Variants in MAP4K4 observed in about 807,000 individuals in gnomAD.
MAP4K4 encodes the protein HPK/GCK-like kinase HGK.
A neutral mutation model predicts 189.6 loss-of-function variants in MAP4K4; 38 were observed. The ratio of observed to expected loss-of-function variants is 0.20; its 90% CI spans 0.15 to 0.26. The LOEUF is 0.26. Ranked by LOEUF, MAP4K4 falls within the 10% of genes least tolerant of loss-of-function variation. MAP4K4 has a pLI of 1.00. For synonymous variants in MAP4K4, 610 were observed against 624.3 expected (o/e 0.98, Z 0.34); for missense variants, 1,054 against 1,726.9 (o/e 0.61, Z 6.91).
chr2:101,704,458 T>A (rs2149200301), intron 2 of MAP4K4, among the ~76,000 whole-genome samples: 1 of 151,308 alleles, frequency 6.6e-6, no homozygotes, highest in Admixed American at 6.6e-5. Context: ...GTGATAAATG[T>A]ACATTTATTT....
intron 12 of MAP4K4, among the ~76,000 whole-genome samples, chr2:101,848,100 A>T (rs1364700691): frequency 2.6e-5 from 4 of 152,216 alleles, no homozygotes. Flanking sequence ...GTGTGTGCAC[A>T]CTATATGATG....
chr2:101,763,676 T>C (rs1466897497), intron 2 of MAP4K4, among the ~76,000 whole-genome samples: 1 of 152,220 alleles, frequency 6.6e-6, no homozygotes, highest in Non-Finnish European at 1.5e-5. Flanking sequence ...CTGGCATTCA[T>C]GGACTCTAGA....
chr2:101,745,175 CT>C (rs2064688680), intron 2 of MAP4K4, among the ~76,000 whole-genome samples: 1 of 151,896 alleles, frequency 6.6e-6, no homozygotes, highest in South Asian at 2.1e-4. Flanking sequence ...TGGTGTGTTT[CT>C]TTGGTTTATT....
intron 2 of MAP4K4, among the ~76,000 whole-genome samples, chr2:101,765,661 T>C (rs376502031): frequency 7.2e-5 from 11 of 152,222 alleles, no homozygotes; most frequent in East Asian, 3.8e-4. Context: ...TATTTTATTT[T>C]TGAAATGATT....
intron 6 of MAP4K4, among the ~76,000 whole-genome samples, chr2:101,831,397 T>G (rs777247269): frequency 1.3e-5 from 2 of 152,180 alleles, no homozygotes; most frequent in Non-Finnish European, 2.9e-5. Flanking sequence ...CTTGATCTTG[T>G]TTGTGGCAGT....
In MAP4K4 at chr2:101,842,597, T is replaced by G. The variant is rs1385063730; in HGVS notation, c.950-12T>G. On this transcript the variant is annotated splice_polypyrimidine_tract_variant and intron_variant, in intron 10 of 32. Coordinates refer to ENST00000324219, the Ensembl canonical transcript of MAP4K4. ...GTGAACTGTCCCATTTATCTTGTCC[T>G]TTTCTTCATAGATGAAACTGAGTAT... The G allele has an allele frequency of 6.3e-7, 1 of 1,586,670 alleles. No individual in the cohort carries two copies. Among genetic ancestry groups the G allele is most frequent in the Non-Finnish European group, 8.6e-7 (1 of 1,164,504 alleles).
At chr2:101,724,455 T>C (rs964866788) in intron 2 of MAP4K4, among the ~76,000 whole-genome samples, 3 of 152,112 alleles carry the variant, frequency 2.0e-5, no homozygotes, top group Non-Finnish European at 2.9e-5. Flanking sequence ...AAATGTTGAG[T>C]GCTTTCAAAA....
At chr2:101,807,764 A>C (rs1419783754) in intron 3 of MAP4K4, among the ~76,000 whole-genome samples, 1 of 152,120 alleles carries the variant, frequency 6.6e-6, no homozygotes, top group East Asian at 1.9e-4. Flanking sequence ...TAGAGAAAGA[A>C]AGAGTGGGGG....
At chr2:101,760,954 G>T (rs2076114047) in intron 2 of MAP4K4, among the ~76,000 whole-genome samples, 1 of 152,164 alleles carries the variant, frequency 6.6e-6, no homozygotes, top group Non-Finnish European at 1.5e-5. Context: ...CGTGAACTGA[G>T]ATCGCGCCAT....
chr2:101,883,890 C>T (rs1196133696), intron 28 of MAP4K4, among the ~76,000 whole-genome samples: 1 of 152,078 alleles, frequency 6.6e-6, no homozygotes, highest in Admixed American at 6.5e-5. Flanking sequence ...GTAGAACTAT[C>T]TGCTTAGGAT....
intron 2 of MAP4K4, among the ~76,000 whole-genome samples, chr2:101,737,814 C>T (rs762258217): frequency 6.6e-6 from 1 of 152,090 alleles, no homozygotes; most frequent in African/African-American, 2.4e-5. Flanking sequence ...TCTCTCTACT[C>T]TCTCCCCCCT....
At chr2:101,732,402 T>C (rs2058831640) in intron 2 of MAP4K4, among the ~76,000 whole-genome samples, 1 of 152,126 alleles carries the variant, frequency 6.6e-6, no homozygotes, top group Non-Finnish European at 1.5e-5. Context: ...GTTTAAAGTT[T>C]TAGCTGCTGT....
At chr2:101,861,845 G>C (rs542787300) in intron 16 of MAP4K4, 1 of 151,820 alleles carries the variant, frequency 6.6e-6, no homozygotes, top group East Asian at 1.9e-4. Flanking sequence ...TTAAACTCGA[G>C]TTTACTTTTC....
rs140215671 is a variant in MAP4K4 at position 101,735,320 on chromosome 2, A to G, written c.123+36782A>G. On this transcript the variant is annotated intron_variant, in intron 2 of 32. Coordinates refer to ENST00000324219, the Ensembl canonical transcript of MAP4K4. Reference sequence around the variant, plus strand: ...AAACTTCTGACTAATCATTTTCACCAATGCTAGCCCTATTTATCTTCATCT... The same window carrying G: ...AAACTTCTGACTAATCATTTTCACCGATGCTAGCCCTATTTATCTTCATCT... Among the ~76,000 whole-genome samples, 392 of 152,268 alleles carry G rather than the reference A, an allele frequency of 2.6e-3. 3 individuals are homozygous for G. Among genetic ancestry groups the G allele is most frequent in the African/African-American group, 9.0e-3 (376 of 41,558 alleles).
intron 2 of MAP4K4, among the ~76,000 whole-genome samples, chr2:101,723,690 G>A (rs2053567697): frequency 6.6e-6 from 1 of 152,180 alleles, no homozygotes; most frequent in African/African-American, 2.4e-5. Flanking sequence ...TTGTTTTTAA[G>A]TACTTTTTGT....
chr2:101,712,760 T>G (rs1178652697), intron 2 of MAP4K4, among the ~76,000 whole-genome samples: 1 of 151,976 alleles, frequency 6.6e-6, no homozygotes, highest in East Asian at 1.9e-4. Context: ...CCTCTCCACG[T>G]GCAGGGATTA....
At chr2:101,787,621 A>G (rs1038735780) in intron 2 of MAP4K4, among the ~76,000 whole-genome samples, 12 of 152,062 alleles carry the variant, frequency 7.9e-5, no homozygotes, top group Non-Finnish European at 1.0e-4. Context: ...TCCTTTAAAA[A>G]ACTCTTGGTG....
chr2:101,779,273 C>A (rs916214274), intron 2 of MAP4K4, among the ~76,000 whole-genome samples: 3 of 151,988 alleles, frequency 2.0e-5, no homozygotes, highest in Non-Finnish European at 4.4e-5. Context: ...TTTCCCTTTG[C>A]CTGTTCTTTT....
chr2:101,698,559 T>C, intron 2 of MAP4K4, 21 bp downstream of exon 2: 1 of 1,610,468 alleles, frequency 6.2e-7, no homozygotes. Context: ...GCGCCTTCTT[T>C]GTTTCCCGTG....
Sources: allele counts gnomAD v4.1 joint callset (sites outside exome capture counted in the v4.1 genomes callset), GRCh38; gene constraint gnomAD v4.1.1; transcripts MANE v1.5; gene names NCBI Gene and HGNC (gene_info 2026-07-23, HGNC 2026-07-21).